NTRK2: variants seen among roughly 807,000 people sequenced by gnomAD.
The protein encoded by NTRK2 is BDNF/NT-3 growth factors receptor.
NTRK2 carries 13 observed loss-of-function variants against 94.5 expected under a neutral mutation model. The ratio of observed to expected loss-of-function variants is 0.14; its 90% CI spans 0.09 to 0.22. The LOEUF is 0.22. NTRK2 is among the 10% of genes least tolerant of loss of function. The pLI, the probability that NTRK2 is intolerant of heterozygous loss-of-function variation, is 1.00. For synonymous variants in NTRK2, 372 were observed against 407.4 expected, an observed-to-expected ratio of 0.91 and a Z score of 1.05; for missense variants, 639 against 1,071.2, an observed-to-expected ratio of 0.60 and a Z score of 5.63.
chr9:84,752,037 A>G lies in NTRK2; in HGVS notation c.1348A>G (p.Met450Val), dbSNP rs1286314407. The G allele has an allele frequency of 1.2e-6, 2 of 1,613,896 alleles. No individual in the cohort carries two copies. The highest frequency in any genetic ancestry group is 4.5e-5 in the East Asian group (2 of 44,874). ...TGTGGTGGGATTTTGCCTTTTGGTA[A>G]TGCTGTTTCTGCTTAAGTTGGCAAG... ...ASVVGFCLLV[M>V]LFLLKLARHS... Residue 450 changes from methionine (M) to valine (V), a missense_variant, in exon 12 of 19, where the codon ATG (methionine) becomes GTG (valine). Physicochemically the swap from Met to Val is conservative, Grantham distance 21. Around this residue, in one of 5 missense-constraint regions of NTRK2, gnomAD observed 343 missense variants for 571.5 expected, o/e 0.60. Coordinates refer to ENST00000277120, the MANE Select transcript of NTRK2 (RefSeq NM_006180.6).
intron 6 of NTRK2, among the ~76,000 whole-genome samples, chr9:84,711,954 C>T (rs2061440210): frequency 2.0e-5 from 3 of 152,148 alleles, no homozygotes; most frequent in African/African-American, 7.2e-5. Flanking sequence ...AATAAAAAAA[C>T]TTTTAATATG....
chr9:84,936,692 T>C (rs1474575203), intron 15 of NTRK2, among the ~76,000 whole-genome samples: 1 of 152,190 alleles, frequency 6.6e-6, no homozygotes, highest in African/African-American at 2.4e-5. Context: ...TTTAATTCTT[T>C]GTTAAATCCC....
intron 14 of NTRK2, chr9:84,873,086 C>T (rs1455404645): frequency 5.6e-6 from 6 of 1,064,292 alleles, no homozygotes; most frequent in Non-Finnish European, 6.8e-6. Flanking sequence ...CTCAGAGTTA[C>T]CAGAGATTAT....
intron 14 of NTRK2, among the ~76,000 whole-genome samples, chr9:84,878,631 T>TA (rs35468448): frequency 0.48 from 64,951 of 135,448 alleles, 15,389 homozygotes; most frequent in Non-Finnish European, 0.54. Flanking sequence ...AGACTATGTC[T>TA]AAAAAAAAAA....
intron 9 of NTRK2, among the ~76,000 whole-genome samples, chr9:84,734,066 A>T (rs1428084906): frequency 6.6e-6 from 1 of 152,058 alleles, no homozygotes; most frequent in African/African-American, 2.4e-5. Context: ...ATCCTCCATG[A>T]TCTTTGCGGC....
chr9:84,871,588 T>C (rs1292579102), intron 14 of NTRK2, among the ~76,000 whole-genome samples: 1 of 152,222 alleles, frequency 6.6e-6, no homozygotes, highest in South Asian at 2.1e-4. Flanking sequence ...CAAATTCGAC[T>C]TCTTAAAATG....
intron 13 of NTRK2, among the ~76,000 whole-genome samples, 156 bp downstream of exon 13, chr9:84,861,243 C>T (rs888812034): frequency 6.6e-6 from 1 of 152,098 alleles, no homozygotes; most frequent in African/African-American, 2.4e-5. Context: ...AGAATTTTTC[C>T]AGAAAAGGCA....
chr9:84,734,203 G>A (rs113663468), intron 9 of NTRK2, among the ~76,000 whole-genome samples: 20 of 152,184 alleles, frequency 1.3e-4, no homozygotes, highest in South Asian at 4.1e-4. Flanking sequence ...GAAGGTTGCC[G>A]CCTTGAGGCT....
intron 14 of NTRK2, chr9:84,872,328 G>T: frequency 9.1e-7 from 1 of 1,102,684 alleles, no homozygotes; most frequent in South Asian, 3.9e-5. Context: ...ATACTAACCA[G>T]CAAAATCCCC....
chr9:84,811,011 T>G, intron 12 of NTRK2: 1 of 1,114,282 alleles, frequency 9.0e-7, no homozygotes, highest in East Asian at 4.3e-5. Flanking sequence ...AGAACAGGTA[T>G]AAGTGCACAC....
At chr9:84,969,584 A>G (rs1212231915) in intron 17 of NTRK2, among the ~76,000 whole-genome samples, 1 of 152,260 alleles carries the variant, frequency 6.6e-6, no homozygotes, top group Admixed American at 6.5e-5. Context: ...TTAAAACATT[A>G]AATAATGAGA....
intron 2 of NTRK2, among the ~76,000 whole-genome samples, chr9:84,676,160 T>C (rs12555206): frequency 0.055 from 8,322 of 152,270 alleles, 368 homozygotes; most frequent in African/African-American, 0.11. Flanking sequence ...AGCCTTTTAA[T>C]GTTTCTGGGC....
intron 12 of NTRK2, chr9:84,812,926 T>C (rs2071970638): frequency 9.7e-7 from 1 of 1,033,102 alleles, no homozygotes; most frequent in Non-Finnish European, 1.2e-6. Context: ...TATTAGAAAA[T>C]TATTTCATAT....
intron 14 of NTRK2, chr9:84,878,046 C>A: frequency 1.6e-6 from 1 of 629,966 alleles, no homozygotes; most frequent in African/African-American, 2.0e-5. Context: ...CCCCACATAG[C>A]CTCTCTGGGT....
intron 12 of NTRK2, among the ~76,000 whole-genome samples, chr9:84,787,042 A>T (rs1348314902): frequency 6.6e-6 from 1 of 152,152 alleles, no homozygotes; most frequent in Non-Finnish European, 1.5e-5. Context: ...TCACACCTAT[A>T]ATCCCAGCAC....
chr9:84,894,430 T>G (rs1352755621), intron 14 of NTRK2, among the ~76,000 whole-genome samples: 1 of 152,196 alleles, frequency 6.6e-6, no homozygotes, highest in Non-Finnish European at 1.5e-5. Context: ...CTTCTTGCAG[T>G]CCAGCTATCC....
chr9:84,958,478 T>C (rs1824453503), intron 17 of NTRK2, among the ~76,000 whole-genome samples: 1 of 152,238 alleles, frequency 6.6e-6, no homozygotes, highest in South Asian at 2.1e-4. Flanking sequence ...AGAATAACGA[T>C]TCCCAGTTCC....
chr9:84,683,582 G>T (rs1028985061), intron 2 of NTRK2, among the ~76,000 whole-genome samples: 1 of 152,028 alleles, frequency 6.6e-6, no homozygotes, highest in African/African-American at 2.4e-5. Flanking sequence ...TCTTTATCCA[G>T]TCTATCATTG....
At chr9:84,757,143 C>T (rs2065152833) in intron 12 of NTRK2, among the ~76,000 whole-genome samples, 1 of 152,076 alleles carries the variant, frequency 6.6e-6, no homozygotes, top group Non-Finnish European at 1.5e-5. Flanking sequence ...TCCATATGCA[C>T]CCTCTTCCTT....
Sources: gnomAD v4.1 joint callset for allele counts (sites outside exome capture counted in the v4.1 genomes callset) on GRCh38, gnomAD v4.1.1 for gene constraint, gnomAD v4.1.1 regional missense constraint, MANE v1.5 for transcripts, NCBI Gene and HGNC (gene_info 2026-07-23, HGNC 2026-07-21) for gene names.